SAV1: variants seen among roughly 807,000 people sequenced by gnomAD.
The protein encoded by SAV1 is salvador family WW domain containing protein 1, also known as protein salvador homolog 1.
Under a neutral mutation model 47.3 loss-of-function variants are expected in SAV1, and 23 were observed. The observed-to-expected ratio is 0.49, with a 90% confidence interval of 0.35 to 0.69. The LOEUF is 0.69. Among genes scored for constraint, SAV1 ranks in the 30% least tolerant of loss-of-function variants. SAV1 has a pLI of 0.01. For synonymous variants in SAV1, 155 were observed against 159.2 expected, an observed-to-expected ratio of 0.97 and a Z score of 0.20; for missense variants, 448 against 457.4, an observed-to-expected ratio of 0.98 and a Z score of 0.19.
At chr14:50,636,003 G>A (rs997772994) in intron 4 of SAV1, among the ~76,000 whole-genome samples, 5 of 151,950 alleles carry the variant, frequency 3.3e-5, no homozygotes, top group Non-Finnish European at 2.9e-5. Context: ...CACCGCGCCC[G>A]GCCTACATAT....
chr14:50,642,125 CAT>C (rs2039685148), intron 3 of SAV1, among the ~76,000 whole-genome samples: 1 of 152,086 alleles, frequency 6.6e-6, no homozygotes, highest in Non-Finnish European at 1.5e-5. Flanking sequence ...ACTAATACCA[CAT>C]GTTGATAGGT....
rs184359341 is a variant in SAV1 at position 50,647,600 on chromosome 14, C to T, written c.536-2586G>A. ...AAAACAGAAGAAGAAAACAAAACGA[C>T]CCAGTTAAAAAAAAGGGGGGTAAGA... is the stretch of plus-strand genomic sequence containing the variant. On this transcript the variant is annotated intron_variant, in intron 2 of 4. Transcript: ENST00000324679. 1.1e-4 allele frequency among the ~76,000 whole-genome samples: 17 copies of T among 152,002 alleles called. No homozygotes were observed. In the East Asian group the frequency reaches 2.5e-3, roughly 22 times the overall value.
intron 2 of SAV1, among the ~76,000 whole-genome samples, chr14:50,646,460 C>A (rs1368696945): frequency 6.6e-6 from 1 of 152,056 alleles, no homozygotes; most frequent in East Asian, 1.9e-4. Context: ...CCAAGGTGAG[C>A]GGATCACCTG....
At chr14:50,636,916 A>T (rs1308919572) in intron 4 of SAV1, among the ~76,000 whole-genome samples, 1 of 152,192 alleles carries the variant, frequency 6.6e-6, no homozygotes, top group African/African-American at 2.4e-5. Flanking sequence ...CTCTAGCATT[A>T]TTTTTAATGA....
In SAV1 at chr14:50,665,256, T is replaced by C; in HGVS notation, c.458A>G (p.His153Arg). The change falls in exon 2 of 5, where the codon CAT (histidine) becomes CGT (arginine). Residue 153 changes from histidine to arginine, a missense_variant. Coordinates refer to ENST00000324679, the MANE Select transcript of SAV1 (RefSeq NM_021818.4). ...QRKRPLGDRA[H>R]EDYRYYEYNH... ...GTATTCATAATATCTGTAGTCTTCA[T>C]GTGCACGATCTCCAAGTGGCCGCTT... 14 of 1,613,878 alleles carry C rather than the reference T, an allele frequency of 8.7e-6. No homozygotes were observed. Among genetic ancestry groups the C allele is most frequent in the Non-Finnish European group, 1.1e-5 (13 of 1,179,788 alleles).
At chr14:50,663,145 GA>G (rs1403293301) in intron 2 of SAV1, 1 of 152,074 alleles carries the variant, frequency 6.6e-6, no homozygotes, top group African/African-American at 2.4e-5. Context: ...ACAACATGAA[GA>G]AAATCATTCA....
At chr14:50,667,388 A>C (rs2039911053) in intron 1 of SAV1, 1 of 455,708 alleles carries the variant, frequency 2.2e-6, no homozygotes, top group Admixed American at 2.4e-5. Context: ...TCACCTTCTC[A>C]AGTCTGCATC....
intron 2 of SAV1, among the ~76,000 whole-genome samples, chr14:50,651,867 A>G (rs896109335): frequency 3.3e-5 from 5 of 152,152 alleles, no homozygotes; most frequent in Admixed American, 3.3e-4. Context: ...CTTAGACTCA[A>G]GCATTCCTCC....
chr14:50,640,326 C>T (rs1392426923), intron 4 of SAV1, among the ~76,000 whole-genome samples: 4 of 152,074 alleles, frequency 2.6e-5, no homozygotes, highest in African/African-American at 4.8e-5. Flanking sequence ...CGTTATGTTG[C>T]CTAGACTGGT....
intron 2 of SAV1, among the ~76,000 whole-genome samples, chr14:50,663,551 C>G (rs1242656635): frequency 6.6e-6 from 1 of 152,196 alleles, no homozygotes; most frequent in South Asian, 2.1e-4. Flanking sequence ...CTACAATGTT[C>G]CAGTGAGACT....
chr14:50,659,209 C>T (rs1289752394), intron 2 of SAV1, among the ~76,000 whole-genome samples: 1 of 151,716 alleles, frequency 6.6e-6, no homozygotes, highest in African/African-American at 2.4e-5. Context: ...CAGAAGTCTA[C>T]TGTCTCATTA....
rs1159355372 is a variant in SAV1 at position 50,657,319 on chromosome 14, C to A, written c.535+7860G>T. ...AAGTGCTGGGAAATACTCACTCTTA[C>A]AAAGGACATGTGCAAACAGTTATGG... On this transcript the variant is annotated intron_variant, in intron 2 of 4. Coordinates refer to ENST00000324679, the MANE Select transcript of SAV1 (RefSeq NM_021818.4). 5.3e-5 allele frequency among the ~76,000 whole-genome samples: 8 copies of A among 152,322 alleles called. No homozygotes were observed. The East Asian group carries it at 1.5e-3, about 29-fold the overall frequency.
intron 4 of SAV1, among the ~76,000 whole-genome samples, chr14:50,635,793 TCCG>T (rs1295945679): frequency 6.6e-5 from 10 of 152,220 alleles, no homozygotes; most frequent in African/African-American, 2.4e-4. Context: ...CACTGCAACC[TCCG>T]CCTCCCGGGT....
At chr14:50,667,524 G>A (rs1393046276) in intron 1 of SAV1, 1 of 477,320 alleles carries the variant, frequency 2.1e-6, no homozygotes, top group Non-Finnish European at 4.1e-6. Flanking sequence ...AAGTGTCCCT[G>A]TCTAATTACT....
At position 50,640,973 on chromosome 14, in the gene SAV1, A is replaced by C; in HGVS notation, c.807-80T>G. 7 of 1,360,212 alleles carry C rather than the reference A, an allele frequency of 5.1e-6. No homozygotes were observed. The South Asian group carries it at 9.7e-5, about 19-fold the overall frequency. 84.3% of individuals were successfully genotyped at this position (1,360,212 alleles called of 1,614,324 possible). On this transcript the variant is annotated intron_variant, in intron 3 of 4. Coordinates refer to ENST00000324679, the MANE Select transcript of SAV1 (RefSeq NM_021818.4). The stretch of plus-strand genomic sequence containing the variant: ...AAATTATAAAGAACAAATAATACTT[A>C]AGCATTTTTCAGTGTGCCTTCTGTC...
Position 50,644,887 on chromosome 14 carries a change from G to T in SAV1, c.663C>A (p.Asn221Lys). The T allele has an allele frequency of 1.2e-6, 2 of 1,614,074 alleles. No individual in the cohort carries two copies. Among genetic ancestry groups the T allele is most frequent in the Non-Finnish European group, 1.7e-6 (2 of 1,180,000 alleles). Reference protein sequence around the residue: ...MRGRKYYIDHNTNTTHWSHPL... With the variant: ...MRGRKYYIDHKTNTTHWSHPL... ...GATGGCTCCAGTGAGTTGTATTTGTGTTATGATCTATATAATATTTTCTCC... is the reference window on the plus strand; with the variant it reads ...GATGGCTCCAGTGAGTTGTATTTGTTTTATGATCTATATAATATTTTCTCC... Residue 221 changes from asparagine (N) to lysine (K), a missense_variant, in exon 3 of 5, where the codon AAC becomes AAA. Coordinates refer to ENST00000324679, the MANE Select transcript of SAV1 (RefSeq NM_021818.4).
chr14:50,637,281 A>G (rs1366265124), intron 4 of SAV1, among the ~76,000 whole-genome samples: 1 of 152,214 alleles, frequency 6.6e-6, no homozygotes, highest in Non-Finnish European at 1.5e-5. Flanking sequence ...CATAAATTAG[A>G]GTGATACTGT....
chr14:50,661,555 T>G (rs1208991348), intron 2 of SAV1, among the ~76,000 whole-genome samples: 1 of 152,206 alleles, frequency 6.6e-6, no homozygotes, highest in Non-Finnish European at 1.5e-5. Flanking sequence ...CATTTTCTTC[T>G]AGTACTTTTA....
rs376481627 is a variant in SAV1, at chr14:50,645,021, G to C, written c.536-7C>G. On this transcript the variant is annotated splice_polypyrimidine_tract_variant and splice_region_variant and intron_variant, in intron 2 of 4. Coordinates refer to ENST00000324679, the MANE Select transcript of SAV1 (RefSeq NM_021818.4). ...GCAGCAACTCTCCCAATACCTACGGGGAAAGAGAAAATGATAGAGAAGAAA... is the reference window on the plus strand; with the variant it reads ...GCAGCAACTCTCCCAATACCTACGGCGAAAGAGAAAATGATAGAGAAGAAA... The C allele has an allele frequency of 6.3e-7, 1 of 1,598,654 alleles. No homozygotes were observed. Among genetic ancestry groups the C allele is most frequent in the African/African-American group, 1.3e-5 (1 of 74,420 alleles).
Sources: gnomAD v4.1 joint callset for allele counts (sites outside exome capture counted in the v4.1 genomes callset) on GRCh38, gnomAD v4.1.1 for gene constraint, MANE v1.5 for transcripts, NCBI Gene and HGNC (gene_info 2026-07-23, HGNC 2026-07-21) for gene names.